ASIC2: variants seen among roughly 807,000 people sequenced by gnomAD.
ASIC2 encodes the protein acid sensing ion channel subunit 2, also known as acid-sensing ion channel 2.
ASIC2 carries 25 observed loss-of-function variants against 57.3 expected under a neutral mutation model. The observed-to-expected ratio is 0.44, with a 90% CI of 0.32 to 0.61. The LOEUF (loss-of-function observed/expected upper bound fraction) is 0.61. Ranked by LOEUF, ASIC2 falls within the 20% of genes least tolerant of loss-of-function variation. The pLI, the probability that ASIC2 is intolerant of heterozygous loss-of-function variation, is 0.06. For missense variants in ASIC2, 641 were observed against 738.1 expected (o/e 0.87, Z 1.52); for synonymous variants, 319 against 307.5 (o/e 1.04, Z -0.39).
At chr17:33,459,258 G>C (rs1459118818) in intron 1 of ASIC2, among the ~76,000 whole-genome samples, 1 of 152,032 alleles carries the variant, frequency 6.6e-6, no homozygotes, top group African/African-American at 2.4e-5. Flanking sequence ...GTCGGTCTGT[G>C]CTCTTGCTGA....
intron 1 of ASIC2, among the ~76,000 whole-genome samples, chr17:34,068,015 A>G (rs1447864687): frequency 6.6e-6 from 1 of 152,202 alleles, no homozygotes; most frequent in Non-Finnish European, 1.5e-5. Flanking sequence ...TTCTTTAACA[A>G]TCTACATTGG....
At chr17:33,627,359 A>G (rs1906020390) in intron 1 of ASIC2, 1 of 152,228 alleles carries the variant, frequency 6.6e-6, no homozygotes, top group Non-Finnish European at 1.5e-5. Context: ...TGGGTGCTTT[A>G]TTTATTCCTT....
At chr17:33,177,648 G>A (rs1905813172) in intron 1 of ASIC2, among the ~76,000 whole-genome samples, 1 of 152,188 alleles carries the variant, frequency 6.6e-6, no homozygotes, top group African/African-American at 2.4e-5. Flanking sequence ...ATGAGCACAA[G>A]GAGACTGTCT....
intron 1 of ASIC2, among the ~76,000 whole-genome samples, chr17:33,459,683 T>C (rs761389926): frequency 1.5e-4 from 23 of 152,210 alleles, no homozygotes; most frequent in Non-Finnish European, 2.4e-4. Flanking sequence ...GGAACACCCC[T>C]TCGTCAGTGC....
At chr17:33,063,741 A>T (rs531289492) in intron 3 of ASIC2, among the ~76,000 whole-genome samples, 21 of 152,340 alleles carry the variant, frequency 1.4e-4, no homozygotes, top group African/African-American at 5.0e-4. Flanking sequence ...CCTGGATAAT[A>T]TCCTGCAGAG....
intron 1 of ASIC2, among the ~76,000 whole-genome samples, chr17:33,319,858 A>G (rs527562062): frequency 5.8e-4 from 88 of 152,324 alleles, no homozygotes; most frequent in Non-Finnish European, 1.1e-3. Context: ...TTAAATGTAC[A>G]GTAAATTATT....
At chr17:33,272,490 G>A (rs933401286) in intron 1 of ASIC2, among the ~76,000 whole-genome samples, 1 of 152,198 alleles carries the variant, frequency 6.6e-6, no homozygotes, top group Non-Finnish European at 1.5e-5. Flanking sequence ...GTTCTTTACT[G>A]AGCACCTATT....
intron 1 of ASIC2, among the ~76,000 whole-genome samples, chr17:33,842,327 A>AAG (rs1913464191): frequency 6.6e-6 from 1 of 152,176 alleles, no homozygotes; most frequent in South Asian, 2.1e-4. Context: ...TAGACAAGAC[A>AAG]TGGGTCTCCA....
chr17:33,589,377 T>A (rs1360804985), intron 1 of ASIC2, among the ~76,000 whole-genome samples: 1 of 152,126 alleles, frequency 6.6e-6, no homozygotes, highest in Non-Finnish European at 1.5e-5. Context: ...CATAACAAAG[T>A]TTATTGTTTT....
intron 1 of ASIC2, among the ~76,000 whole-genome samples, chr17:34,032,642 G>A (rs1334352669): frequency 6.6e-6 from 1 of 152,142 alleles, no homozygotes; most frequent in African/African-American, 2.4e-5. Context: ...GACACACATA[G>A]GCTCAAAATA....
chr17:33,358,767 T>A (rs1239564247), intron 1 of ASIC2, among the ~76,000 whole-genome samples: 2 of 152,216 alleles, frequency 1.3e-5, no homozygotes, highest in Non-Finnish European at 2.9e-5. Flanking sequence ...TTTATAGTAA[T>A]GGAAAATAGT....
chr17:34,088,087 C>T (rs965990639), intron 1 of ASIC2, among the ~76,000 whole-genome samples: 1 of 152,242 alleles, frequency 6.6e-6, no homozygotes, highest in African/African-American at 2.4e-5. Context: ...TGGTGAGGAA[C>T]TGCGTTCCTT....
At chr17:33,609,039 G>A (rs1421917355) in intron 1 of ASIC2, among the ~76,000 whole-genome samples, 1 of 152,116 alleles carries the variant, frequency 6.6e-6, no homozygotes, top group African/African-American at 2.4e-5. Flanking sequence ...CATCAGGCAA[G>A]CTCTTCACAA....
chr17:33,890,680 G>A (rs988944063), intron 1 of ASIC2, among the ~76,000 whole-genome samples: 7 of 152,132 alleles, frequency 4.6e-5, no homozygotes, highest in Non-Finnish European at 8.8e-5. Flanking sequence ...ACCCTTTGCT[G>A]GATGTTGCCT....
At chr17:33,371,932 C>T (rs547182142) in intron 1 of ASIC2, among the ~76,000 whole-genome samples, 1 of 152,114 alleles carries the variant, frequency 6.6e-6, no homozygotes, top group South Asian at 2.1e-4. Context: ...ACGGTGAGGA[C>T]AGGGGTATGT....
At chr17:33,040,032 C>T (rs1266487365) in intron 3 of ASIC2, among the ~76,000 whole-genome samples, 8 of 152,148 alleles carry the variant, frequency 5.3e-5, no homozygotes, top group East Asian at 1.9e-4. Context: ...AGAGGAATTC[C>T]GAGGCTAGAT....
At chr17:34,040,130 GC>G in intron 1 of ASIC2, among the ~76,000 whole-genome samples, 1 of 105,596 alleles carries the variant, frequency 9.5e-6, no homozygotes, top group Admixed American at 8.9e-5. Context: ...GCGGCCCCGG[GC>G]CCGGGCGGCC....
At chr17:33,804,259 A>T (rs1912210814) in intron 1 of ASIC2, among the ~76,000 whole-genome samples, 2 of 152,222 alleles carry the variant, frequency 1.3e-5, no homozygotes, top group African/African-American at 4.8e-5. Flanking sequence ...TAATTGCACC[A>T]TTGTAAACAC....
At chr17:33,247,312 C>T (rs564044717) in intron 1 of ASIC2, among the ~76,000 whole-genome samples, 6 of 152,130 alleles carry the variant, frequency 3.9e-5, no homozygotes, top group African/African-American at 9.6e-5. Context: ...TTATATATTT[C>T]GTGAAATAAG....
Sources: gnomAD v4.1 joint callset for allele counts (sites outside exome capture counted in the v4.1 genomes callset) on GRCh38, gnomAD v4.1.1 for gene constraint, MANE v1.5 for transcripts, NCBI Gene and HGNC (gene_info 2026-07-23, HGNC 2026-07-21) for gene names.